SKAP2: variants seen among roughly 807,000 people sequenced by gnomAD.
SKAP2 encodes src kinase-associated phosphoprotein 2.
Under a neutral mutation model 54.9 loss-of-function variants are expected in SKAP2, and 28 were observed. The ratio of observed to expected loss-of-function variants is 0.51; its 90% confidence interval spans 0.38 to 0.70. The LOEUF is 0.70. SKAP2 is among the 30% of genes least tolerant of loss of function. The pLI, the probability that SKAP2 is intolerant of heterozygous loss-of-function variation, is 0.00. For missense variants in SKAP2, 356 were observed against 424.1 expected, an observed-to-expected ratio of 0.84 and a Z score of 1.41; for synonymous variants, 137 against 134.3, an observed-to-expected ratio of 1.02 and a Z score of -0.14.
chr7:26,821,024 C>T (rs898527781), intron 4 of SKAP2, among the ~76,000 whole-genome samples: 1 of 152,112 alleles, frequency 6.6e-6, no homozygotes, highest in African/African-American at 2.4e-5. Context: ...GAGTGTCAAA[C>T]CAGGATTAAA....
intron 11 of SKAP2, 125 bp from the exon 12 acceptor site, chr7:26,670,317 A>T (rs919119914): frequency 1.1e-5 from 6 of 569,728 alleles, no homozygotes; most frequent in African/African-American, 3.8e-5. Flanking sequence ...GCAAATGTAA[A>T]CATTTTCATC....
rs758657601 is a variant in SKAP2, at chr7:26,864,355, C to T, written c.67+8G>A. ...CGACAGCATTATCGCCGCCTTCCCG[C>T]TCTTTACCTGCCAACAGGTTCCTAA... On this transcript the variant is annotated splice_region_variant and intron_variant, in intron 1 of 12. Transcript: ENST00000345317. The T allele has an allele frequency of 1.2e-5, 19 of 1,613,852 alleles. No homozygotes were observed. The highest frequency in any genetic ancestry group is 1.6e-5 in the Non-Finnish European group (19 of 1,179,852).
At position 26,799,093 on chromosome 7, in the gene SKAP2, G is replaced by A. The variant is rs558525428; in HGVS notation, c.307+44937C>T. On this transcript the variant is annotated intron_variant, in intron 4 of 12. Coordinates refer to ENST00000345317, the MANE Select transcript of SKAP2 (RefSeq NM_003930.5). ...GACAGGGCAAGGCAAGGCAGGGCAG[G>A]GCAAGGCAAGGCAAGGCAAGACAAG... 1.0e-3 allele frequency among the ~76,000 whole-genome samples: 146 copies of A among 141,108 alleles called. 1 individual carries two copies. Among genetic ancestry groups the A allele is most frequent in the Non-Finnish European group, 1.7e-3 (105 of 62,836 alleles). The allele number at this position is 141,108 out of a possible 152,430, so 92.6% of individuals were successfully genotyped here.
At chr7:26,825,921 T>G (rs1784482613) in intron 4 of SKAP2, among the ~76,000 whole-genome samples, 1 of 152,178 alleles carries the variant, frequency 6.6e-6, no homozygotes, top group African/African-American at 2.4e-5. Flanking sequence ...TTAGTCATAC[T>G]TTCACATATC....
At chr7:26,794,183 C>T (rs1221405573) in intron 4 of SKAP2, among the ~76,000 whole-genome samples, 2 of 152,172 alleles carry the variant, frequency 1.3e-5, no homozygotes, top group South Asian at 2.1e-4. Flanking sequence ...TAGTAACATT[C>T]GAATTTTCAT....
intron 4 of SKAP2, among the ~76,000 whole-genome samples, chr7:26,819,908 G>A (rs1047816298): frequency 6.6e-6 from 1 of 152,126 alleles, no homozygotes; most frequent in Non-Finnish European, 1.5e-5. Context: ...TGTCTACGAG[G>A]TGATAACTGT....
At chr7:26,711,428 A>G (rs1029319275) in intron 9 of SKAP2, among the ~76,000 whole-genome samples, 4 of 152,256 alleles carry the variant, frequency 2.6e-5, no homozygotes, top group African/African-American at 9.6e-5. Flanking sequence ...GGTAGAGTTC[A>G]TCAGCGACTT....
chr7:26,725,394 A>C (rs767928844), intron 9 of SKAP2, 34 bp downstream of exon 9: 3 of 1,556,610 alleles, frequency 1.9e-6, no homozygotes, highest in Non-Finnish European at 2.6e-6. Context: ...ACACAGCCCT[A>C]AAATCTTTAA....
chr7:26,724,971 T>G (rs951622039), intron 9 of SKAP2, among the ~76,000 whole-genome samples: 1 of 152,020 alleles, frequency 6.6e-6, no homozygotes. Context: ...TCTGAGACAG[T>G]GCAATATACT....
chr7:26,850,741 G>T (rs1785022781), intron 3 of SKAP2, among the ~76,000 whole-genome samples: 1 of 152,178 alleles, frequency 6.6e-6, no homozygotes, highest in South Asian at 2.1e-4. Flanking sequence ...TAAGCAAGAA[G>T]TGTTCTAGCT....
chr7:26,746,790 C>T (rs949167968), intron 4 of SKAP2: 1 of 151,960 alleles, frequency 6.6e-6, no homozygotes, highest in Non-Finnish European at 1.5e-5. Flanking sequence ...AGCAAATGGC[C>T]AAGGTCCAAG....
At chr7:26,675,730 C>T (rs919454370) in intron 11 of SKAP2, among the ~76,000 whole-genome samples, 8 of 152,154 alleles carry the variant, frequency 5.3e-5, no homozygotes, top group Admixed American at 3.9e-4. Flanking sequence ...GTAGTAGTGA[C>T]GAAACAAGCA....
intron 4 of SKAP2, among the ~76,000 whole-genome samples, chr7:26,831,949 T>C (rs528685729): frequency 2.0e-5 from 3 of 152,284 alleles, no homozygotes; most frequent in African/African-American, 7.2e-5. Flanking sequence ...CATCAAACTA[T>C]GGTCATTTCC....
intron 6 of SKAP2, among the ~76,000 whole-genome samples, chr7:26,729,158 C>T (rs751225894): frequency 1.3e-5 from 2 of 152,036 alleles, no homozygotes; most frequent in Non-Finnish European, 2.9e-5. Context: ...AGCCAAACCC[C>T]CTAGAAATAT....
intron 11 of SKAP2, among the ~76,000 whole-genome samples, chr7:26,671,642 A>G (rs1390686323): frequency 1.3e-5 from 2 of 151,986 alleles, no homozygotes; most frequent in African/African-American, 2.4e-5. Context: ...TTGTTATTCT[A>G]TTGAGGGCAC....
chr7:26,678,418 T>C (rs1786404454), intron 11 of SKAP2, among the ~76,000 whole-genome samples: 1 of 152,014 alleles, frequency 6.6e-6, no homozygotes, highest in Non-Finnish European at 1.5e-5. Context: ...ATATAACATT[T>C]TATTACAATT....
rs1171417915 is a variant in SKAP2 at position 26,739,938 on chromosome 7, G to T, written c.334C>A (p.Gln112Lys). The change falls in exon 5 of 13, where the codon CAA (glutamine) becomes AAA (lysine). Residue 112 changes from glutamine to lysine, a missense_variant. Physicochemically the swap from Gln to Lys is moderately conservative, Grantham distance 53 (BLOSUM62 1). Coordinates refer to ENST00000345317, the MANE Select transcript of SKAP2 (RefSeq NM_003930.5). ...GCCTTTAGAACAAAAGGAAGGTCTT[G>T]TGCTGCAATTGGAGGAAACTGGGCT... ...DGAQFPPIAA[Q>K]DLPFVLKAGY... 1 of 1,611,404 alleles carries T rather than the reference G, an allele frequency of 6.2e-7. No individual in the cohort carries two copies. Among genetic ancestry groups the T allele is most frequent in the Non-Finnish European group, 8.5e-7 (1 of 1,179,044 alleles).
At chr7:26,707,594 C>G (rs1349011365) in intron 9 of SKAP2, among the ~76,000 whole-genome samples, 3 of 152,124 alleles carry the variant, frequency 2.0e-5, no homozygotes, top group Non-Finnish European at 4.4e-5. Context: ...CAAGCTGAAA[C>G]AGACCTGTCC....
intron 4 of SKAP2, among the ~76,000 whole-genome samples, chr7:26,770,226 G>C (rs1783157145): frequency 1.3e-5 from 2 of 152,104 alleles, no homozygotes; most frequent in South Asian, 2.1e-4. Context: ...CACCCAGTTT[G>C]AACTTCTGGG....
Sources: allele counts gnomAD v4.1 joint callset (sites outside exome capture counted in the v4.1 genomes callset), GRCh38; gene constraint gnomAD v4.1.1; transcripts MANE v1.5; gene names NCBI Gene and HGNC (gene_info 2026-07-23, HGNC 2026-07-21).